Variants in NTN1 observed in about 807,000 individuals in gnomAD.
The protein encoded by NTN1 is netrin 1.
Under a neutral mutation model 54.2 loss-of-function variants are expected in NTN1, and 11 were observed. That is an observed-to-expected ratio of 0.20 (90% CI 0.13 to 0.34). NTN1 has a LOEUF of 0.34. Among genes scored for constraint, NTN1 ranks in the 10% least tolerant of loss-of-function variants. The pLI is 1.00. For missense variants in NTN1, 740 were observed against 893.1 expected (o/e 0.83, Z 2.18); for synonymous variants, 371 against 382.0 (o/e 0.97, Z 0.33).
intron 5 of NTN1, among the ~76,000 whole-genome samples, chr17:9,191,297 C>T (rs1406248847): frequency 1.3e-5 from 2 of 152,246 alleles, no homozygotes; most frequent in East Asian, 3.9e-4. Flanking sequence ...CCCGTCACTA[C>T]TAAAAATACA....
intron 2 of NTN1, among the ~76,000 whole-genome samples, chr17:9,024,741 A>T (rs762485710): frequency 2.6e-4 from 39 of 152,304 alleles, no homozygotes; most frequent in Admixed American, 1.4e-3. Flanking sequence ...GTTGCAAGGG[A>T]GGCCTCCATT....
At chr17:9,220,371 C>T (rs2142355239) in intron 5 of NTN1, among the ~76,000 whole-genome samples, 1 of 152,214 alleles carries the variant, frequency 6.6e-6, no homozygotes, top group East Asian at 1.9e-4. Context: ...GAAGCTGTCA[C>T]ACACAGACTT....
rs964394324 is a variant in NTN1, at chr17:9,085,956, T to A, written c.1018+62565T>A. Reference sequence around the variant, plus strand: ...CTCTCACTGCTACTACACATGGGATTTCCAAGTCAGGGCTCTTTGCAGGAA... The same window carrying A: ...CTCTCACTGCTACTACACATGGGATATCCAAGTCAGGGCTCTTTGCAGGAA... On this transcript the variant is annotated intron_variant, in intron 2 of 6. Transcript: ENST00000173229. Among the ~76,000 whole-genome samples the A allele has an allele frequency of 2.0e-5, 3 of 152,238 alleles. 1 individual carries two copies. The highest frequency in any genetic ancestry group is 4.2e-4 in the South Asian group (2 of 4,818).
the NTN1 span, among the ~76,000 whole-genome samples, chr17:9,015,306 G>A: frequency 6.6e-6 from 1 of 152,164 alleles, no homozygotes; most frequent in African/African-American, 2.4e-5. Flanking sequence ...AGCTACTTGG[G>A]AGGCTGAGGC....
intron 2 of NTN1, among the ~76,000 whole-genome samples, chr17:9,063,566 T>C (rs76488183): frequency 6.6e-6 from 1 of 151,916 alleles, no homozygotes; most frequent in South Asian, 2.1e-4. Context: ...TTTTTTTTTT[T>C]GGTGACAGAG....
intron 5 of NTN1, among the ~76,000 whole-genome samples, chr17:9,188,280 T>A (rs1324412483): frequency 6.6e-6 from 1 of 151,922 alleles, no homozygotes; most frequent in Non-Finnish European, 1.5e-5. Context: ...AGTACAAAAT[T>A]AGCTGGATGT....
intron 2 of NTN1, among the ~76,000 whole-genome samples, chr17:9,108,503 A>G (rs1282428384): frequency 6.6e-6 from 1 of 152,346 alleles, no homozygotes; most frequent in Admixed American, 6.5e-5. Context: ...CAGACACCCC[A>G]TGGTACAGGT....
chr17:9,213,020 G>T lies in NTN1; in HGVS notation c.1412-8148G>T, dbSNP rs897070586. 1.7e-4 allele frequency among the ~76,000 whole-genome samples: 26 copies of T among 152,256 alleles called. 1 individual carries two copies. Among genetic ancestry groups the T allele is most frequent in the Admixed American group, 7.2e-4 (11 of 15,284 alleles). On this transcript the variant is annotated intron_variant, in intron 5 of 6. Transcript: ENST00000173229. ...ACCAGAGGGGCCAGCTACCCAAGGT[G>T]GAGGAAGAGGCAGGACGGTCTCGGC...
At chr17:9,068,511 A>ATT (rs2092022560) in intron 2 of NTN1, among the ~76,000 whole-genome samples, 1 of 136,450 alleles carries the variant, frequency 7.3e-6, no homozygotes, top group Admixed American at 7.2e-5. Context: ...TGTATGTGTG[A>ATT]ATTTTTTTTT....
At chr17:9,129,486 A>T (rs1233578202) in intron 2 of NTN1, among the ~76,000 whole-genome samples, 1 of 152,074 alleles carries the variant, frequency 6.6e-6, no homozygotes, top group East Asian at 1.9e-4. Flanking sequence ...GGTCCTTTTG[A>T]GCCCCAGCAT....
intron 2 of NTN1, among the ~76,000 whole-genome samples, chr17:9,084,929 C>A (rs1415487975): frequency 6.6e-6 from 1 of 152,226 alleles, no homozygotes; most frequent in East Asian, 1.9e-4. Flanking sequence ...GGATTACAGG[C>A]GTGAGCCACC....
chr17:9,234,915 C>G (rs996791407), intron 6 of NTN1, among the ~76,000 whole-genome samples: 3 of 151,980 alleles, frequency 2.0e-5, no homozygotes, highest in South Asian at 2.1e-4. Context: ...TCCTGTATAC[C>G]AGCAGTCCCT....
chr17:9,235,001 T>C (rs77152265), intron 6 of NTN1, among the ~76,000 whole-genome samples: 24,905 of 147,324 alleles, frequency 0.17, 2,139 homozygotes, highest in African/African-American at 0.2. Flanking sequence ...TCGCTCCTGT[T>C]GCCCAGGCTG....
chr17:9,226,434 AGGCG>A, intron 6 of NTN1, among the ~76,000 whole-genome samples: 1 of 99,156 alleles, frequency 1.0e-5, no homozygotes, highest in Admixed American at 1.0e-4. Context: ...TCTCGTGGGG[AGGCG>A]GTCTCGTGGG....
chr17:9,065,097 C>T (rs191004590), intron 2 of NTN1, among the ~76,000 whole-genome samples: 21 of 152,212 alleles, frequency 1.4e-4, no homozygotes, highest in South Asian at 4.2e-4. Context: ...CCACCACAAC[C>T]GGCTAATTTT....
At chr17:9,227,371 CCAT>C (rs1196092360) in intron 6 of NTN1, among the ~76,000 whole-genome samples, 11 of 90,382 alleles carry the variant, frequency 1.2e-4, no homozygotes, top group Non-Finnish European at 1.9e-4. Context: ...CATACACACA[CCAT>C]CACACACCAC....
chr17:9,120,593 C>A (rs1307241659), intron 2 of NTN1, among the ~76,000 whole-genome samples: 1 of 152,200 alleles, frequency 6.6e-6, no homozygotes, highest in African/African-American at 2.4e-5. Context: ...GGTGCACCTG[C>A]TGCCTACATC....
chr17:9,168,221 G>C (rs1173565257), intron 3 of NTN1, among the ~76,000 whole-genome samples: 1 of 152,160 alleles, frequency 6.6e-6, no homozygotes, highest in Non-Finnish European at 1.5e-5. Context: ...GGGAGGTTGG[G>C]CATTTAAATT....
At position 9,143,033 on chromosome 17, in the gene NTN1, G is replaced by T. The variant is rs547169321; in HGVS notation, c.1019-19780G>T. ...AAGTGGCATGGTCAGGGCAGGCCTC[G>T]CTGGGAAGTGACAAATGGGCTAAGA... On this transcript the variant is annotated intron_variant, in intron 2 of 6. Transcript: ENST00000173229. Among the ~76,000 whole-genome samples the T allele has an allele frequency of 2.0e-5, 3 of 152,292 alleles. No individual in the cohort carries two copies. The South Asian group carries it at 6.2e-4, about 32-fold the overall frequency.
Sources: gnomAD v4.1 joint callset for allele counts (sites outside exome capture counted in the v4.1 genomes callset) on GRCh38, gnomAD v4.1.1 for gene constraint, MANE v1.5 for transcripts, NCBI Gene and HGNC (gene_info 2026-07-23, HGNC 2026-07-21) for gene names.